The following SV2C variants were observed in gnomAD, a reference collection of about 807,000 sequenced individuals.
The protein encoded by SV2C is solute carrier family 22 member B3.
Under a neutral mutation model 79.7 loss-of-function variants are expected in SV2C, and 49 were observed. That is an observed-to-expected ratio of 0.61 (90% CI 0.49 to 0.78). The LOEUF (loss-of-function observed/expected upper bound fraction) is 0.78, where lower values mean the gene tolerates loss of function less well. Among genes scored for constraint, SV2C ranks in the 30% least tolerant of loss-of-function variants. SV2C has a pLI of 0.00. For synonymous variants in SV2C, 334 were observed against 333.2 expected, an observed-to-expected ratio of 1.00 and a Z score of -0.03; for missense variants, 833 against 912.9, an observed-to-expected ratio of 0.91 and a Z score of 1.13.
intron 3 of SV2C, among the ~76,000 whole-genome samples, chr5:76,207,489 T>C (rs1744642054): frequency 1.3e-5 from 2 of 152,258 alleles, no homozygotes; most frequent in Admixed American, 1.3e-4. Flanking sequence ...TGTGTTATAA[T>C]GAAACCACTT....
At chr5:76,001,762 G>A in the SV2C span, among the ~76,000 whole-genome samples, 7 of 152,086 alleles carry the variant, frequency 4.6e-5, no homozygotes, top group Admixed American at 4.6e-4. Context: ...TGAGCTTCTT[G>A]GGAGAGTGCA....
the SV2C span, among the ~76,000 whole-genome samples, chr5:75,931,133 T>TA: frequency 6.6e-6 from 1 of 152,048 alleles, no homozygotes; most frequent in African/African-American, 2.4e-5. Context: ...ACTCGGTCTT[T>TA]AAAAAAACAA....
intron 1 of SV2C, among the ~76,000 whole-genome samples, chr5:76,119,312 A>AT (rs1748399546): frequency 6.6e-6 from 1 of 152,242 alleles, no homozygotes; most frequent in African/African-American, 2.4e-5. Context: ...CCTATTGCAC[A>AT]TGTGTGGAGG....
intron 4 of SV2C, among the ~76,000 whole-genome samples, chr5:76,260,218 T>C (rs1746417693): frequency 6.6e-6 from 1 of 152,228 alleles, no homozygotes. Context: ...TTTTCCTATG[T>C]TTGTTGGCTG....
the SV2C span, among the ~76,000 whole-genome samples, chr5:76,032,595 G>T: frequency 7.9e-5 from 12 of 152,128 alleles, no homozygotes; most frequent in African/African-American, 2.9e-4. Flanking sequence ...TTTTATGGCT[G>T]CATAGTATTC....
chr5:76,108,472 A>G (rs1434397779), intron 1 of SV2C, among the ~76,000 whole-genome samples: 1 of 152,202 alleles, frequency 6.6e-6, no homozygotes, highest in Non-Finnish European at 1.5e-5. Context: ...AGACATGCAC[A>G]ACTTTTGCAG....
chr5:76,186,297 G>A (rs529355779), intron 2 of SV2C, among the ~76,000 whole-genome samples: 31 of 152,226 alleles, frequency 2.0e-4, no homozygotes, highest in Non-Finnish European at 4.1e-4. Context: ...CCACATTTTC[G>A]GGTATCTTTA....
At chr5:76,252,369 G>T (rs181558366) in intron 4 of SV2C, among the ~76,000 whole-genome samples, 3 of 152,076 alleles carry the variant, frequency 2.0e-5, no homozygotes, top group Admixed American at 6.5e-5. Flanking sequence ...GATCCTACCC[G>T]CCTTGGCCTC....
chr5:76,048,988 AAAG>A, the SV2C span, among the ~76,000 whole-genome samples: 3 of 93,306 alleles, frequency 3.2e-5, no homozygotes, highest in African/African-American at 1.1e-4. Flanking sequence ...AGAAAGAAAG[AAAG>A]AAAGAAAGAA....
the SV2C span, among the ~76,000 whole-genome samples, chr5:76,041,408 C>T: frequency 1.3e-5 from 2 of 152,144 alleles, no homozygotes; most frequent in Non-Finnish European, 2.9e-5. Flanking sequence ...TACCCTCTCT[C>T]CAGACAGCTA....
At chr5:76,167,407 A>G (rs2112261876) in intron 2 of SV2C, among the ~76,000 whole-genome samples, 1 of 152,236 alleles carries the variant, frequency 6.6e-6, no homozygotes, top group South Asian at 2.1e-4. Context: ...TGAGGGGGAA[A>G]GCCCCAACCT....
At chr5:76,048,790 AC>A in the SV2C span, among the ~76,000 whole-genome samples, 1 of 143,314 alleles carries the variant, frequency 7.0e-6, no homozygotes, top group African/African-American at 2.7e-5. Flanking sequence ...AACCTGATGA[AC>A]CTTTTTCAGC....
chr5:76,212,698 A>G (rs1170778489), intron 4 of SV2C, among the ~76,000 whole-genome samples: 2 of 151,918 alleles, frequency 1.3e-5, no homozygotes, highest in Admixed American at 1.3e-4. Flanking sequence ...TCTGCAGCCT[A>G]CGTGTGTCCG....
chr5:76,027,534 G>C, the SV2C span, among the ~76,000 whole-genome samples: 73 of 152,204 alleles, frequency 4.8e-4, no homozygotes, highest in African/African-American at 1.6e-3. Context: ...TTGAAAACAG[G>C]TCATGCTAGT....
intron 2 of SV2C, chr5:76,174,061 T>A: frequency 6.3e-7 from 1 of 1,575,986 alleles, no homozygotes; most frequent in Non-Finnish European, 8.7e-7. Context: ...CAACTTGCTC[T>A]CTATAAGAAT....
downstream of SV2C, among the ~76,000 whole-genome samples, chr5:76,336,625 C>G (rs1223843854): frequency 6.6e-6 from 1 of 152,226 alleles, no homozygotes; most frequent in Non-Finnish European, 1.5e-5. Flanking sequence ...GTGAACCAGA[C>G]TCCGTCCGCA....
the SV2C span, among the ~76,000 whole-genome samples, chr5:76,054,147 C>A: frequency 2.0e-5 from 3 of 152,032 alleles, no homozygotes; most frequent in Non-Finnish European, 4.4e-5. Context: ...CCTCCCTTTA[C>A]CCACCCCCCT....
At chr5:76,077,279 G>C in the SV2C span, among the ~76,000 whole-genome samples, 1 of 152,086 alleles carries the variant, frequency 6.6e-6, no homozygotes, top group Non-Finnish European at 1.5e-5. Context: ...TAACGGGAAC[G>C]AAATCAGTAA....
chr5:76,210,029 T>G, intron 4 of SV2C, 142 bp downstream of exon 4: 1 of 1,037,184 alleles, frequency 9.6e-7, no homozygotes, highest in South Asian at 1.7e-5. Context: ...GTCCAGGAGT[T>G]TTTCCCCTCT....
Sources: gnomAD v4.1 joint callset for allele counts (sites outside exome capture counted in the v4.1 genomes callset) on GRCh38, gnomAD v4.1.1 for gene constraint, MANE v1.5 for transcripts, NCBI Gene and HGNC (gene_info 2026-07-23, HGNC 2026-07-21) for gene names.